The following COL7A1 variants were observed in gnomAD, a reference collection of about 807,000 sequenced individuals.
The protein encoded by COL7A1 is collagen alpha-1(VII) chain.
Under a neutral mutation model 456.2 loss-of-function variants are expected in COL7A1, and 296 were observed. That is an observed-to-expected ratio of 0.65 (90% CI 0.59 to 0.71). The LOEUF (loss-of-function observed/expected upper bound fraction) is 0.71, where lower values mean the gene tolerates loss of function less well. Among genes scored for constraint, COL7A1 ranks in the 30% least tolerant of loss-of-function variants. COL7A1 has a pLI of 0.00. For missense variants in COL7A1, 3,441 were observed against 4,017.2 expected (o/e 0.86, Z 3.88); for synonymous variants, 1,464 against 1,525.9 (o/e 0.96, Z 0.95).
In COL7A1 at chr3:48,578,207, G is replaced by A. The variant is rs2044458356; in HGVS notation, c.5532+114C>T. On this transcript the variant is annotated intron_variant, in intron 65 of 118. Transcript: ENST00000681320. This position sits in a 1 kb window ranked among gnomAD's most constrained non-coding sequence, Gnocchi z 4.7. ...GTTTCTGGATGCATCTGTATGTCTG[G>A]GCCAGGATGCATGTGTCTACACGTG... 1 of 1,217,408 alleles carries A rather than the reference G, an allele frequency of 8.2e-7. No homozygotes were observed. Among genetic ancestry groups the A allele is most frequent in the African/African-American group, 1.5e-5 (1 of 66,896 alleles). The allele number at this position is 1,217,408 out of a possible 1,614,324, so 75.4% of individuals were successfully genotyped here. A position where few individuals can be genotyped will look rare whatever the true frequency, so the allele number is the denominator to read the frequency against.
Position 48,588,032 on chromosome 3 carries a change from C to T in COL7A1, c.2711-93G>A. On this transcript the variant is annotated intron_variant, in intron 21 of 118. Coordinates refer to ENST00000681320, the MANE Select transcript of COL7A1 (RefSeq NM_000094.4). This position sits in a 1 kb window ranked among gnomAD's most constrained non-coding sequence, Gnocchi z 4.6. ...CTGCCCACTTCACTGGCTCTGTTAA[C>T]TGGGTTCACCCTCCTGACTGATCTT... 1 of 1,451,118 alleles carries T rather than the reference C, an allele frequency of 6.9e-7. No individual in the cohort carries two copies. Among genetic ancestry groups the T allele is most frequent in the Non-Finnish European group, 9.3e-7 (1 of 1,069,844 alleles). 89.9% of individuals were successfully genotyped at this position (1,451,118 alleles called of 1,614,324 possible).
chr3:48,579,444 G>A lies in COL7A1; in HGVS notation c.5271+36C>T, dbSNP rs2044567635. ...GTCAGATAAGAGGTGAGGGTAAGAT[G>A]GGGACTTGGCAGACGGGGCAAAGTG... On this transcript the variant is annotated intron_variant, in intron 60 of 118. Transcript: ENST00000681320. This position sits in a 1 kb window ranked among gnomAD's most constrained non-coding sequence, Gnocchi z 4.4. The A allele has an allele frequency of 1.9e-6, 3 of 1,614,046 alleles. No individual in the cohort carries two copies. Among genetic ancestry groups the A allele is most frequent in the Non-Finnish European group, 2.5e-6 (3 of 1,180,028 alleles).
rs1326075619 is a variant in COL7A1 at position 48,586,979 on chromosome 3, G to A, written c.3269C>T (p.Ala1090Val). The A allele has an allele frequency of 1.3e-6, 2 of 1,594,134 alleles. No homozygotes were observed. The highest frequency in any genetic ancestry group is 2.3e-5 in the East Asian group (1 of 44,182). ...GCTGCCCCAGGGCCAAACCTGAACT[G>A]CCTGTGGCCCAAGAGGCCCAAGTGC... ...VLALGPLGPQ[A>V]VQVGLLSYSH... Residue 1090 changes from alanine (A) to valine (V), a missense_variant, in exon 25 of 119, where the codon GCA (alanine) becomes GTA (valine). Coordinates refer to ENST00000681320, the MANE Select transcript of COL7A1 (RefSeq NM_000094.4). This position sits in a 1 kb window ranked among gnomAD's most constrained non-coding sequence, Gnocchi z 5.1.
In COL7A1 at chr3:48,580,877, C is replaced by A; in HGVS notation, c.4980+5G>T. On this transcript the variant is annotated splice_donor_5th_base_variant and intron_variant, in intron 54 of 118. Coordinates refer to ENST00000681320, the MANE Select transcript of COL7A1 (RefSeq NM_000094.4). The surrounding 1 kb of genome is among the most constrained non-coding windows in gnomAD (Gnocchi z 4.5). ...CCCCTGTTACTTCTCTCTGCCAAGACTCACCCGAAGGCCACGCTCGCCTGC... is the reference window on the plus strand; with the variant it reads ...CCCCTGTTACTTCTCTCTGCCAAGAATCACCCGAAGGCCACGCTCGCCTGC... 6.2e-7 allele frequency: 1 copy of A among 1,614,130 alleles called. No individual in the cohort carries two copies.
At position 48,594,314 on chromosome 3, in the gene COL7A1, GA is replaced by G; in HGVS notation, c.266+53del. On this transcript the variant is annotated intron_variant, in intron 3 of 118. Coordinates refer to ENST00000681320, the MANE Select transcript of COL7A1 (RefSeq NM_000094.4). This position sits in a 1 kb window ranked among gnomAD's most constrained non-coding sequence, Gnocchi z 5.5. ...TTCCAGGGTCTCCTCCCTCTCTGGG[GA>G]AGGAGTCTTGGTGGGGATCTCGTGG... 2 of 1,592,924 alleles carry G rather than the reference GA, an allele frequency of 1.3e-6. No homozygotes were observed. Among genetic ancestry groups the G allele is most frequent in the Non-Finnish European group, 1.7e-6 (2 of 1,171,210 alleles).
chr3:48,567,107 A>G lies in COL7A1; in HGVS notation c.8109+21T>C, dbSNP rs1269505180. On this transcript the variant is annotated intron_variant, in intron 110 of 118. Coordinates refer to ENST00000681320, the MANE Select transcript of COL7A1 (RefSeq NM_000094.4). This position sits in a 1 kb window ranked among gnomAD's most constrained non-coding sequence, Gnocchi z 4.3. ...AAGTGCACGCTCCCCTCAATTCACC[A>G]TGACCATGGCTTCAACTCACCCGCT... is the stretch of plus-strand genomic sequence containing the variant. 3 of 1,613,828 alleles carry G rather than the reference A, an allele frequency of 1.9e-6. No individual in the cohort carries two copies. The highest frequency in any genetic ancestry group is 2.5e-6 in the Non-Finnish European group (3 of 1,179,908).
Position 48,590,923 on chromosome 3 carries a change from G to A in COL7A1, c.1637-107C>T. 1 of 1,216,746 alleles carries A rather than the reference G, an allele frequency of 8.2e-7. No homozygotes were observed. Among genetic ancestry groups the A allele is most frequent in the East Asian group, 2.4e-5 (1 of 41,062 alleles). 75.4% of individuals were successfully genotyped at this position (1,216,746 alleles called of 1,614,324 possible). A position where few individuals can be genotyped will look rare whatever the true frequency, so the allele number is the denominator to read the frequency against. On this transcript the variant is annotated intron_variant, in intron 13 of 118. Transcript: ENST00000681320. This position sits in a 1 kb window ranked among gnomAD's most constrained non-coding sequence, Gnocchi z 4.6. Reference sequence around the variant, plus strand: ...AGAGTGAGAAGGGCCATGGGGGTGGGGATGTGGGGTGGTGGGGACCAGAGA... The same window carrying A: ...AGAGTGAGAAGGGCCATGGGGGTGGAGATGTGGGGTGGTGGGGACCAGAGA...
At chr3:48,589,178 G>C in intron 18 of COL7A1, 149 bp downstream of exon 18, 1 of 1,449,888 alleles carries the variant, frequency 6.9e-7, no homozygotes, top group South Asian at 1.2e-5. Context: ...GGAGGTCACC[G>C]TGGGTGGACA....
In COL7A1 at chr3:48,578,730, A is replaced by G. The variant is rs2107693414; in HGVS notation, c.5424+189T>C. On this transcript the variant is annotated intron_variant, in intron 63 of 118. Coordinates refer to ENST00000681320, the MANE Select transcript of COL7A1 (RefSeq NM_000094.4). The surrounding 1 kb of genome is among the most constrained non-coding windows in gnomAD (Gnocchi z 4.7). ...CCCCCAGGACTTGGAGGGCCTATGAAGACCCCCAAGGCAAAGAAGGTCAGA... is the reference window on the plus strand; with the variant it reads ...CCCCCAGGACTTGGAGGGCCTATGAGGACCCCCAAGGCAAAGAAGGTCAGA... Among the ~76,000 whole-genome samples, 1 of 152,298 alleles carries G rather than the reference A, an allele frequency of 6.6e-6. No homozygotes were observed. The highest frequency in any genetic ancestry group is 2.4e-5 in the African/African-American group (1 of 41,566).
chr3:48,593,428 C>T lies in COL7A1; in HGVS notation c.448G>A (p.Gly150Arg), dbSNP rs757715378. 1.6e-5 allele frequency: 26 copies of T among 1,614,114 alleles called. No individual in the cohort carries two copies. The highest frequency in any genetic ancestry group is 2.2e-5 in the Non-Finnish European group (26 of 1,180,038). Residue 150 changes from glycine to arginine, a missense_variant, in exon 5 of 119, where the codon GGG becomes AGG. Physicochemically the swap from Gly to Arg is moderately radical, Grantham distance 125. Transcript: ENST00000681320. The surrounding 1 kb of genome is among the most constrained non-coding windows in gnomAD (Gnocchi z 4.4). ...GTGTCCACCAGGTCCTGGGACTTCC[C>T]GTCTGTGATCAGGATGCAGACCTGG... is the stretch of plus-strand genomic sequence containing the variant. Reference protein sequence around the residue: ...VPKVCILITDGKSQDLVDTAA... With the variant: ...VPKVCILITDRKSQDLVDTAA...
rs2045910251 is a variant in COL7A1 at position 48,594,216 on chromosome 3, C to G, written c.266+152G>C. The G allele has an allele frequency of 2.4e-6, 2 of 850,180 alleles. No homozygotes were observed. The highest frequency in any genetic ancestry group is 3.6e-6 in the Non-Finnish European group (2 of 548,240). 52.7% of individuals were successfully genotyped at this position (850,180 alleles called of 1,614,324 possible). ...CTACCTAGGGAATCCTTACCTCTGT[C>G]TCCAAAGGAGGTCCTGGCTAGGGGG... is the stretch of plus-strand genomic sequence containing the variant. On this transcript the variant is annotated intron_variant, in intron 3 of 118. Transcript: ENST00000681320. This position sits in a 1 kb window ranked among gnomAD's most constrained non-coding sequence, Gnocchi z 5.5.
rs746730235 is a variant in COL7A1, at chr3:48,572,091, G to T, written c.7023+36C>A. 1.7e-5 allele frequency: 27 copies of T among 1,613,596 alleles called. No homozygotes were observed. The highest frequency in any genetic ancestry group is 2.3e-5 in the Non-Finnish European group (27 of 1,179,888). On this transcript the variant is annotated intron_variant, in intron 91 of 118. Transcript: ENST00000681320. This position sits in a 1 kb window ranked among gnomAD's most constrained non-coding sequence, Gnocchi z 4.6. ...GGGGTGTCTGGACTGAGCCTTCTCT[G>T]CTCAGTAGTCAGGCCCCAGGGCCAA...
In COL7A1 at chr3:48,566,684, TCCAGGGACC is replaced by T; in HGVS notation, c.8271_8279del (p.Val2758_Gly2760del). ...CCTGCTCCCCTCTCTCGCCAGGAGC[TCCAGGGACC>T]CCAGGAGCCCCCACCACTCTCTCTC... On this transcript the variant is annotated inframe_deletion, in exon 112 of 119. Coordinates refer to ENST00000681320, the MANE Select transcript of COL7A1 (RefSeq NM_000094.4). The surrounding 1 kb of genome is among the most constrained non-coding windows in gnomAD (Gnocchi z 5.9). 1.2e-6 allele frequency: 2 copies of T among 1,612,980 alleles called. No individual in the cohort carries two copies. The highest frequency in any genetic ancestry group is 1.7e-6 in the Non-Finnish European group (2 of 1,179,686).
chr3:48,574,170 AACAC>A lies in COL7A1; in HGVS notation c.6501+88_6501+91del. The A allele has an allele frequency of 1.4e-6, 2 of 1,476,716 alleles. No individual in the cohort carries two copies. The highest frequency in any genetic ancestry group is 9.4e-7 in the Non-Finnish European group (1 of 1,061,484). 91.5% of individuals were successfully genotyped at this position (1,476,716 alleles called of 1,614,324 possible). A position where few individuals can be genotyped will look rare whatever the true frequency, so the allele number is the denominator to read the frequency against. On this transcript the variant is annotated intron_variant, in intron 80 of 118. Transcript: ENST00000681320. This position sits in a 1 kb window ranked among gnomAD's most constrained non-coding sequence, Gnocchi z 5.0. ...AGGCACACAGACACAGGTACACACA[AACAC>A]ACACACACAGACATGCACACACACA...
chr3:48,575,047 AGGGATGGGGTGATCACCTTGGGGCCAGGG>A lies in COL7A1; in HGVS notation c.6267_6279+16del, dbSNP rs1192283857. The A allele has an allele frequency of 6.2e-7, 1 of 1,609,932 alleles. No individual in the cohort carries two copies. Among genetic ancestry groups the A allele is most frequent in the East Asian group, 2.2e-5 (1 of 44,832 alleles). On this transcript the variant is annotated splice_donor_variant and splice_donor_5th_base_variant and coding_sequence_variant and intron_variant, in exon 76 of 119. Transcript: ENST00000681320. LOFTEE classifies it high-confidence loss of function. This position sits in a 1 kb window ranked among gnomAD's most constrained non-coding sequence, Gnocchi z 6.3. ...TGGTCACTAGTCACAGGACTAAGGC[AGGGATGGGGTGATCACCTTGGGGCCAGGG>A]GGTCCGGGGGGCCCAGGGGTTCCAG...
At position 48,572,973 on chromosome 3, in the gene COL7A1, T is replaced by C. The variant is rs542074653; in HGVS notation, c.6751-31A>G. 22 of 1,614,018 alleles carry C rather than the reference T, an allele frequency of 1.4e-5. No individual in the cohort carries two copies. In the Admixed American group the frequency reaches 3.0e-4, roughly 22 times the overall value. Reference sequence around the variant, plus strand: ...AGGGAAGAGCTCTGTCAGGGCTGCCTGTCGACCCTTGACCCCTGGAGCCCA... The same window carrying C: ...AGGGAAGAGCTCTGTCAGGGCTGCCCGTCGACCCTTGACCCCTGGAGCCCA... On this transcript the variant is annotated intron_variant, in intron 86 of 118. Coordinates refer to ENST00000681320, the MANE Select transcript of COL7A1 (RefSeq NM_000094.4). This position sits in a 1 kb window ranked among gnomAD's most constrained non-coding sequence, Gnocchi z 4.6.
chr3:48,571,225 C>A lies in COL7A1; in HGVS notation c.7104+18G>T. 6.2e-7 allele frequency: 1 copy of A among 1,614,164 alleles called. No homozygotes were observed. The highest frequency in any genetic ancestry group is 1.1e-5 in the South Asian group (1 of 91,088). On this transcript the variant is annotated intron_variant, in intron 93 of 118. Coordinates refer to ENST00000681320, the MANE Select transcript of COL7A1 (RefSeq NM_000094.4). This position sits in a 1 kb window ranked among gnomAD's most constrained non-coding sequence, Gnocchi z 4.6. ...TCACGACCAGGACCCCAGCAGGGAC[C>A]CTTCTGGGTACACATACCTTGAAAC...
chr3:48,583,295 G>A lies in COL7A1; in HGVS notation c.4437+98C>T. 2 of 1,606,288 alleles carry A rather than the reference G, an allele frequency of 1.2e-6. No individual in the cohort carries two copies. Among genetic ancestry groups the A allele is most frequent in the South Asian group, 1.1e-5 (1 of 90,706 alleles). On this transcript the variant is annotated intron_variant, in intron 42 of 118. Transcript: ENST00000681320. This position sits in a 1 kb window ranked among gnomAD's most constrained non-coding sequence, Gnocchi z 5.1. ...CCTCCAAAACCACGACCTCTGACCTGGAGGGAACTCTTATCTCCTTATCTT... is the reference window on the plus strand; with the variant it reads ...CCTCCAAAACCACGACCTCTGACCTAGAGGGAACTCTTATCTCCTTATCTT...
rs752938355 is a variant in COL7A1, at chr3:48,587,038, C to T, written c.3210G>A (p.Glu1070=). Residue 1070 remains glutamate (E), a synonymous_variant, in exon 25 of 119, where the codon GAG becomes GAA. Transcript: ENST00000681320. This position sits in a 1 kb window ranked among gnomAD's most constrained non-coding sequence, Gnocchi z 6.1. The stretch of plus-strand genomic sequence containing the variant: ...GACGCTCCAGGACCCTCCTCGTAGC[C>T]TCCGCACGGTGAGCATTGTCTTGAG... The part of the protein sequence containing the change: ...HATQDNAHRA[E]ATRRVLERLV... 3 of 1,607,844 alleles carry T rather than the reference C, an allele frequency of 1.9e-6. No homozygotes were observed. The highest frequency in any genetic ancestry group is 1.7e-4 in the Middle Eastern group (1 of 6,058).
Sources: allele counts gnomAD v4.1 joint callset (sites outside exome capture counted in the v4.1 genomes callset), GRCh38; gene constraint gnomAD v4.1.1; non-coding constraint Gnocchi (gnomAD v3.1); transcripts MANE v1.5; gene names NCBI Gene and HGNC (gene_info 2026-07-23, HGNC 2026-07-21).